The following BLTP3A variants were observed in gnomAD, a reference collection of about 807,000 sequenced individuals.
BLTP3A encodes the protein ICBP90 binding protein 1.
At chr6:34,859,970 A>G in the BLTP3A span, among the ~76,000 whole-genome samples, 2 of 152,122 alleles carry the variant, frequency 1.3e-5, no homozygotes. Context: ...TATATATAAT[A>G]TTATTTTCAG....
the BLTP3A span, chr6:34,834,863 T>A: frequency 6.2e-7 from 1 of 1,612,368 alleles, no homozygotes; most frequent in African/African-American, 1.3e-5. Context: ...AAAAGAAGAG[T>A]AAGTGTGTTC....
the BLTP3A span, among the ~76,000 whole-genome samples, chr6:34,829,027 CAAAAAAA>C: frequency 3.3e-3 from 169 of 50,730 alleles, no homozygotes; most frequent in African/African-American, 0.015. Context: ...AACTCCATCT[CAAAAAAA>C]AAAAAAAAAA....
the BLTP3A span, chr6:34,856,954 G>T: frequency 1.2e-6 from 2 of 1,604,222 alleles, no homozygotes; most frequent in Non-Finnish European, 1.7e-6. Flanking sequence ...AAACATGGTT[G>T]GAAAGAGGTG....
chr6:34,857,888 G>A, the BLTP3A span: 2 of 1,613,904 alleles, frequency 1.2e-6, no homozygotes, highest in East Asian at 2.2e-5. Context: ...TGAACACTTG[G>A]ACATCCGACT....
chr6:34,835,410 A>C, the BLTP3A span: 4 of 1,614,170 alleles, frequency 2.5e-6, no homozygotes, highest in Non-Finnish European at 3.4e-6. Context: ...CACTGAGTGA[A>C]GCCATGGAGA....
At chr6:34,831,819 A>G in the BLTP3A span, among the ~76,000 whole-genome samples, 1 of 151,918 alleles carries the variant, frequency 6.6e-6, no homozygotes, top group East Asian at 1.9e-4. Flanking sequence ...GTTGAGGATC[A>G]TTTTCTTTTC....
chr6:34,815,794 C>G, the BLTP3A span, among the ~76,000 whole-genome samples: 1 of 151,926 alleles, frequency 6.6e-6, no homozygotes, highest in African/African-American at 2.4e-5. Context: ...AGGCATGCCT[C>G]ACCATGGCCC....
the BLTP3A span, among the ~76,000 whole-genome samples, chr6:34,815,900 G>A: frequency 6.6e-6 from 1 of 152,064 alleles, no homozygotes; most frequent in Non-Finnish European, 1.5e-5. Flanking sequence ...TGTCCGCCTC[G>A]GCCTCCCAGT....
At chr6:34,866,276 C>T in the BLTP3A span, among the ~76,000 whole-genome samples, 6 of 151,866 alleles carry the variant, frequency 4.0e-5, no homozygotes, top group Admixed American at 6.6e-5. Flanking sequence ...TGGTGGCGTG[C>T]GCCTGTAATC....
chr6:34,855,757 C>A, the BLTP3A span: 1 of 1,609,014 alleles, frequency 6.2e-7, no homozygotes, highest in Non-Finnish European at 8.5e-7. Flanking sequence ...ATATTGAGGG[C>A]AGATTCCTGG....
At chr6:34,848,816 A>G in the BLTP3A span, among the ~76,000 whole-genome samples, 1 of 152,058 alleles carries the variant, frequency 6.6e-6, no homozygotes, top group Non-Finnish European at 1.5e-5. Context: ...TTTACATTCA[A>G]CATTATTATT....
the BLTP3A span, chr6:34,821,839 G>A: frequency 2.5e-6 from 4 of 1,614,102 alleles, no homozygotes; most frequent in Non-Finnish European, 3.4e-6. Flanking sequence ...TCAGAATGCT[G>A]CTGTTCTCTT....
At chr6:34,813,232 G>A in the BLTP3A span, among the ~76,000 whole-genome samples, 1 of 152,200 alleles carries the variant, frequency 6.6e-6, no homozygotes, top group Non-Finnish European at 1.5e-5. Flanking sequence ...TCCCATTTCT[G>A]TTATTTACTT....
the BLTP3A span, chr6:34,875,667 T>C: frequency 1.3e-5 from 2 of 152,192 alleles, no homozygotes; most frequent in African/African-American, 4.8e-5. Context: ...AATTTCTGTC[T>C]TTCCTTATGT....
the BLTP3A span, chr6:34,870,941 C>G: frequency 6.2e-7 from 1 of 1,614,208 alleles, no homozygotes; most frequent in Non-Finnish European, 8.5e-7. Context: ...CCTGGAGCAG[C>G]TGTTCATTCC....
At chr6:34,818,060 G>A in the BLTP3A span, among the ~76,000 whole-genome samples, 3 of 151,706 alleles carry the variant, frequency 2.0e-5, no homozygotes, top group South Asian at 2.1e-4. Context: ...GGGTTTCACC[G>A]TGTTAGCCAG....
chr6:34,821,921 A>G, the BLTP3A span: 1 of 1,614,250 alleles, frequency 6.2e-7, no homozygotes, highest in Non-Finnish European at 8.5e-7. Flanking sequence ...TTTCAGATCC[A>G]GTGGACAAAG....
chr6:34,795,117 C>T, the BLTP3A span, among the ~76,000 whole-genome samples: 3 of 151,418 alleles, frequency 2.0e-5, no homozygotes, highest in Non-Finnish European at 4.4e-5. Flanking sequence ...CGGAATCTTG[C>T]TTTGTGCCTA....
the BLTP3A span, among the ~76,000 whole-genome samples, chr6:34,827,445 A>G: frequency 2.0e-5 from 3 of 152,258 alleles, no homozygotes; most frequent in African/African-American, 7.2e-5. Context: ...TTAAATTCAT[A>G]CACTGAGTCA....
Sources: allele counts gnomAD v4.1 joint callset (sites outside exome capture counted in the v4.1 genomes callset), GRCh38; gene constraint gnomAD v4.1.1; transcripts MANE v1.5; gene names NCBI Gene and HGNC (gene_info 2026-07-23, HGNC 2026-07-21).